The following NCOA2 variants were observed in gnomAD, a reference collection of about 807,000 sequenced individuals.
The protein encoded by NCOA2 is nuclear receptor coactivator 2.
In NCOA2, 21 loss-of-function variants were observed where a neutral mutation model predicts 145.1. That is an observed-to-expected ratio of 0.14 (90% confidence interval 0.10 to 0.21). The LOEUF is 0.21. Among genes scored for constraint, NCOA2 ranks in the 10% least tolerant of loss-of-function variants. The probability of loss-of-function intolerance (pLI) is 1.00; values close to 1 mark genes in which losing one functional copy is unlikely to be tolerated. For synonymous variants in NCOA2, 619 were observed against 637.5 expected, an observed-to-expected ratio of 0.97 and a Z score of 0.44; for missense variants, 1,472 against 1,837.6, an observed-to-expected ratio of 0.80 and a Z score of 3.64.
intron 1 of NCOA2, among the ~76,000 whole-genome samples, chr8:70,399,764 A>G (rs1430261407): frequency 6.6e-6 from 1 of 152,256 alleles, no homozygotes; most frequent in African/African-American, 2.4e-5. Context: ...AAAATTGTTT[A>G]AAGAGACCAT....
chr8:70,375,030 A>G (rs1450508099), intron 1 of NCOA2, among the ~76,000 whole-genome samples: 3 of 152,116 alleles, frequency 2.0e-5, no homozygotes, highest in Admixed American at 6.5e-5. Flanking sequence ...TTAACATCGC[A>G]TATCATCCTG....
intron 4 of NCOA2, among the ~76,000 whole-genome samples, chr8:70,210,983 T>C (rs1418196196): frequency 1.3e-5 from 2 of 152,216 alleles, no homozygotes; most frequent in African/African-American, 2.4e-5. Flanking sequence ...TTTATGCTGA[T>C]TGGTCAGGGG....
chr8:70,393,331 T>A (rs1813370067), intron 1 of NCOA2, among the ~76,000 whole-genome samples: 1 of 152,158 alleles, frequency 6.6e-6, no homozygotes, highest in African/African-American at 2.4e-5. Flanking sequence ...GTTCCACAAT[T>A]AAGGATTCGG....
At chr8:70,126,432 ATTTG>A (rs1396816581) in intron 19 of NCOA2, among the ~76,000 whole-genome samples, 18 of 152,220 alleles carry the variant, frequency 1.2e-4, no homozygotes, top group Non-Finnish European at 1.8e-4. Flanking sequence ...GTATCTATTG[ATTTG>A]TTTGAGTCAG....
chr8:70,422,319 G>GC, the NCOA2 span, among the ~76,000 whole-genome samples: 2 of 151,992 alleles, frequency 1.3e-5, no homozygotes, highest in Admixed American at 1.3e-4. Flanking sequence ...AGCACCCACT[G>GC]CAAGTCCAAA....
intron 1 of NCOA2, among the ~76,000 whole-genome samples, chr8:70,312,389 G>C (rs544300210): frequency 3.3e-5 from 5 of 152,070 alleles, no homozygotes; most frequent in Non-Finnish European, 5.9e-5. Flanking sequence ...CTAAATCAAT[G>C]TATCTTTCTT....
chr8:70,318,561 T>C (rs1316201499), intron 1 of NCOA2, among the ~76,000 whole-genome samples: 4 of 152,114 alleles, frequency 2.6e-5, no homozygotes, highest in Non-Finnish European at 5.9e-5. Flanking sequence ...GCCCAGGAGT[T>C]TGAGGTGAGC....
At chr8:70,416,425 A>G in the NCOA2 span, among the ~76,000 whole-genome samples, 1 of 152,132 alleles carries the variant, frequency 6.6e-6, no homozygotes. Context: ...CTTAATCTCC[A>G]AGTGAAGACA....
At chr8:70,136,655 T>G (rs532481042) in intron 15 of NCOA2, among the ~76,000 whole-genome samples, 1 of 152,258 alleles carries the variant, frequency 6.6e-6, no homozygotes, top group East Asian at 1.9e-4. Context: ...ACTACTATCT[T>G]TTTGAAATGT....
chr8:70,440,767 A>T, the NCOA2 span, among the ~76,000 whole-genome samples: 1 of 141,396 alleles, frequency 7.1e-6, no homozygotes, highest in East Asian at 1.9e-4. Flanking sequence ...AAGAGGAAAG[A>T]AAGGAAAGAA....
At chr8:70,132,236 T>C (rs1188366117) in intron 15 of NCOA2, among the ~76,000 whole-genome samples, 1 of 152,214 alleles carries the variant, frequency 6.6e-6, no homozygotes, top group Non-Finnish European at 1.5e-5. Context: ...TTATTTCTAT[T>C]GGTCCCACTT....
In NCOA2 at chr8:70,163,600, G is replaced by C. The variant is rs758994528; in HGVS notation, c.731-34C>G. On this transcript the variant is annotated intron_variant, in intron 7 of 22. Transcript: ENST00000452400. ...ACACATGTTTACATTTATCATATTG[G>C]GCTTTTCTAGTGATTCAAACAAACC... 3.2e-6 allele frequency: 5 copies of C among 1,541,802 alleles called. No homozygotes were observed. The Admixed American group carries it at 8.5e-5, about 26-fold the overall frequency.
chr8:70,336,622 AAGAG>A (rs913351616), intron 1 of NCOA2, among the ~76,000 whole-genome samples: 4 of 151,724 alleles, frequency 2.6e-5, no homozygotes, highest in South Asian at 2.1e-4. Context: ...GGGAGAGAGA[AAGAG>A]AGAGAGAAAA....
intron 1 of NCOA2, among the ~76,000 whole-genome samples, chr8:70,350,271 C>T (rs988222355): frequency 6.6e-6 from 1 of 152,066 alleles, no homozygotes; most frequent in Non-Finnish European, 1.5e-5. Flanking sequence ...ATTCAAGACT[C>T]CTCAGTTAAT....
chr8:70,144,496 T>C (rs561998161), intron 13 of NCOA2, 146 bp downstream of exon 13: 1 of 694,888 alleles, frequency 1.4e-6, no homozygotes, highest in Admixed American at 2.7e-5. Flanking sequence ...ATTCTCACAG[T>C]GAAAATCTGT....
At chr8:70,398,812 T>C (rs905153072) in intron 1 of NCOA2, among the ~76,000 whole-genome samples, 2 of 152,170 alleles carry the variant, frequency 1.3e-5, no homozygotes, top group Non-Finnish European at 2.9e-5. Flanking sequence ...GGAATCAACA[T>C]TTCCACAATT....
At chr8:70,447,920 A>G in the NCOA2 span, among the ~76,000 whole-genome samples, 2 of 152,080 alleles carry the variant, frequency 1.3e-5, no homozygotes, top group Non-Finnish European at 2.9e-5. Flanking sequence ...CCTGGGCTCA[A>G]GCCATCCTCC....
At chr8:70,416,478 G>T in the NCOA2 span, among the ~76,000 whole-genome samples, 2 of 152,170 alleles carry the variant, frequency 1.3e-5, no homozygotes, top group Non-Finnish European at 2.9e-5. Context: ...CAACTATCTT[G>T]TGTGTAACCA....
At chr8:70,365,755 C>T (rs1768576721) in intron 1 of NCOA2, among the ~76,000 whole-genome samples, 1 of 151,926 alleles carries the variant, frequency 6.6e-6, no homozygotes, top group Non-Finnish European at 1.5e-5. Context: ...GGCAGAAGAA[C>T]AGAAAACACT....
Sources: gnomAD v4.1 joint callset for allele counts (sites outside exome capture counted in the v4.1 genomes callset) on GRCh38, gnomAD v4.1.1 for gene constraint, MANE v1.5 for transcripts, NCBI Gene and HGNC (gene_info 2026-07-23, HGNC 2026-07-21) for gene names.